Variants in CACNA1C observed in about 807,000 individuals in gnomAD.
CACNA1C encodes calcium voltage-gated channel subunit alpha1 C.
CACNA1C carries 30 observed loss-of-function variants against 229.0 expected under a neutral mutation model. That is an observed-to-expected ratio of 0.13 (90% confidence interval 0.10 to 0.18). The LOEUF (loss-of-function observed/expected upper bound fraction) is 0.18, where lower values mean the gene tolerates loss of function less well. Ranked by LOEUF, CACNA1C falls within the 10% of genes least tolerant of loss-of-function variation. The probability of loss-of-function intolerance (pLI) is 1.00; values close to 1 mark genes in which losing one functional copy is unlikely to be tolerated. For missense variants in CACNA1C, 1,658 were observed against 2,845.0 expected (o/e 0.58, Z 9.49); for synonymous variants, 1,114 against 1,132.5 (o/e 0.98, Z 0.33).
At chr12:2,227,172 T>TC (rs1299757661) in intron 3 of CACNA1C, among the ~76,000 whole-genome samples, 2 of 152,152 alleles carry the variant, frequency 1.3e-5, no homozygotes, top group Non-Finnish European at 2.9e-5. Context: ...TAGTCCAGGA[T>TC]CTCCTTCCAG....
intron 10 of CACNA1C, chr12:2,550,486 A>T (rs1187754127): frequency 7.7e-7 from 1 of 1,300,036 alleles, no homozygotes; most frequent in African/African-American, 1.5e-5. Context: ...AGGTGAGAAG[A>T]TGTTCTGGGA....
intron 1 of CACNA1C, among the ~76,000 whole-genome samples, chr12:2,090,368 A>G (rs1361287641): frequency 8.7e-6 from 1 of 114,782 alleles, no homozygotes; most frequent in Non-Finnish European, 1.6e-5. Context: ...CCCAGGCTGG[A>G]GTGCAGTGGC....
chr12:2,414,684 G>A (rs1011800340), intron 3 of CACNA1C, among the ~76,000 whole-genome samples: 2 of 152,140 alleles, frequency 1.3e-5, no homozygotes, highest in South Asian at 2.1e-4. Flanking sequence ...CAGGGCATAC[G>A]AGCTCATTAA....
At chr12:2,398,462 C>T (rs754866780) in intron 3 of CACNA1C, among the ~76,000 whole-genome samples, 83 of 152,320 alleles carry the variant, frequency 5.4e-4, no homozygotes, top group African/African-American at 1.5e-3. Flanking sequence ...GGTGCTGAGT[C>T]GGGCAGAGCT....
intron 34 of CACNA1C, 118 bp downstream of exon 34, chr12:2,655,356 G>A: frequency 1.6e-6 from 1 of 632,622 alleles, no homozygotes. Flanking sequence ...GAGAGGATGT[G>A]TTGCTTGCTC....
chr12:1,998,711 T>C (rs1478194166), intron 1 of CACNA1C, among the ~76,000 whole-genome samples: 3 of 152,212 alleles, frequency 2.0e-5, no homozygotes, highest in Non-Finnish European at 2.9e-5. Context: ...AGCTAGGCCA[T>C]TATAATATTC....
At chr12:2,189,424 C>T (rs973705703) in intron 3 of CACNA1C, among the ~76,000 whole-genome samples, 16 of 152,194 alleles carry the variant, frequency 1.1e-4, no homozygotes, top group African/African-American at 3.6e-4. Context: ...TGGAGAAAAC[C>T]TTGCACGCTG....
At chr12:2,048,702 G>C (rs1211354738), upstream of CACNA1C, 1 of 152,356 alleles carries the variant, frequency 6.6e-6, no homozygotes, top group African/African-American at 2.4e-5. Flanking sequence ...TTGCAGACTT[G>C]ATGGGAGACT....
chr12:1,987,586 T>A (rs1453250049), intron 1 of CACNA1C, among the ~76,000 whole-genome samples: 1 of 152,174 alleles, frequency 6.6e-6, no homozygotes, highest in Non-Finnish European at 1.5e-5. Flanking sequence ...TGCTCTCCAT[T>A]TATTTCTCAT....
rs761025822 is a variant in CACNA1C, at chr12:2,346,278, C to T, written c.478-102698C>T. ...GTGCATCTCTCGTATGTGCCTGTGT[C>T]TCTATGTAATGTGTTTGTGTGTACA... is the stretch of plus-strand genomic sequence containing the variant. On this transcript the variant is annotated intron_variant, in intron 3 of 46. Coordinates refer to ENST00000399655, the MANE Select transcript of CACNA1C (RefSeq NM_000719.7). This position sits in a 1 kb window ranked among gnomAD's most constrained non-coding sequence, Gnocchi z 4.4. Among the ~76,000 whole-genome samples the T allele has an allele frequency of 3.3e-5, 5 of 151,830 alleles. No individual in the cohort carries two copies. The highest frequency in any genetic ancestry group is 6.6e-5 in the Admixed American group (1 of 15,262).
At chr12:2,025,775 A>G (rs1326358025) in intron 1 of CACNA1C, among the ~76,000 whole-genome samples, 4 of 152,122 alleles carry the variant, frequency 2.6e-5, no homozygotes, top group Admixed American at 2.0e-4. Context: ...ACCAATCTCT[A>G]TTGTTCAGTA....
intron 3 of CACNA1C, among the ~76,000 whole-genome samples, chr12:2,413,379 C>T (rs939824671): frequency 6.6e-6 from 1 of 152,170 alleles, no homozygotes; most frequent in Non-Finnish European, 1.5e-5. Flanking sequence ...GCGTGAATGA[C>T]TCTACCATCT....
chr12:2,004,460 G>C (rs756270489), intron 1 of CACNA1C: 6 of 1,588,710 alleles, frequency 3.8e-6, no homozygotes, highest in Non-Finnish European at 5.1e-6. Flanking sequence ...ATAGGCACGG[G>C]GCTCTTGGAA....
intron 1 of CACNA1C, among the ~76,000 whole-genome samples, chr12:2,106,815 G>T (rs1292049892): frequency 3.9e-5 from 5 of 127,728 alleles, no homozygotes; most frequent in Admixed American, 7.7e-5. Context: ...CCCGGGGAGG[G>T]TTTCCACCTC....
chr12:2,393,914 C>A (rs1048018116), intron 3 of CACNA1C, among the ~76,000 whole-genome samples: 2 of 151,462 alleles, frequency 1.3e-5, no homozygotes, highest in Non-Finnish European at 1.5e-5. Flanking sequence ...AAGACCAGCC[C>A]GGGCAACATA....
At chr12:2,056,800 G>C (rs967389967) in intron 1 of CACNA1C, among the ~76,000 whole-genome samples, 2 of 152,064 alleles carry the variant, frequency 1.3e-5, no homozygotes, top group East Asian at 3.9e-4. Context: ...GCACTTTTTA[G>C]TGTTTTAGAA....
At position 2,449,697 on chromosome 12, in the gene CACNA1C, C is replaced by G. The variant is rs143485114; in HGVS notation, c.617+582C>G. Among the ~76,000 whole-genome samples the G allele has an allele frequency of 7.0e-4, 106 of 152,374 alleles. 1 individual carries two copies. The highest frequency in any genetic ancestry group is 3.4e-3 in the Middle Eastern group (1 of 294). On this transcript the variant is annotated intron_variant, in intron 4 of 46. Coordinates refer to ENST00000399655, the MANE Select transcript of CACNA1C (RefSeq NM_000719.7). Reference sequence around the variant, plus strand: ...ATGCACACACGGTTGGACCTGAGTGCTCCTGATGGAACCCAGGCTGCTCTG... The same window carrying G: ...ATGCACACACGGTTGGACCTGAGTGGTCCTGATGGAACCCAGGCTGCTCTG...
intron 4 of CACNA1C, among the ~76,000 whole-genome samples, chr12:2,450,326 G>A (rs577141686): frequency 2.7e-4 from 41 of 152,084 alleles, no homozygotes; most frequent in East Asian, 5.8e-4. Context: ...AGGCCAAGGC[G>A]GGCGGATCAC....
intron 13 of CACNA1C, among the ~76,000 whole-genome samples, chr12:2,572,373 C>T (rs2055400219): frequency 1.9e-4 from 1 of 5,188 alleles, no homozygotes. Flanking sequence ...TCCTTCTCCT[C>T]TTCCTCCTCT....
Sources: allele counts gnomAD v4.1 joint callset (sites outside exome capture counted in the v4.1 genomes callset), GRCh38; gene constraint gnomAD v4.1.1; non-coding constraint Gnocchi (gnomAD v3.1); transcripts MANE v1.5; gene names NCBI Gene and HGNC (gene_info 2026-07-23, HGNC 2026-07-21).